The following TEX15 variants were observed in gnomAD, a reference collection of about 807,000 sequenced individuals.
TEX15 encodes the protein testis expressed 15, meiosis and synapsis associated.
Under a neutral mutation model 237.3 loss-of-function variants are expected in TEX15, and 171 were observed. The observed-to-expected ratio is 0.72, with a 90% confidence interval of 0.64 to 0.82. The LOEUF is 0.82. TEX15 is among the 40% of genes least tolerant of loss of function. TEX15 has a pLI of 0.00. For missense variants in TEX15, 3,750 were observed against 3,646.5 expected (o/e 1.03, Z -0.73); for synonymous variants, 1,338 against 1,269.8 (o/e 1.05, Z -1.14).
intron 4 of TEX15, among the ~76,000 whole-genome samples, chr8:30,871,384 A>G (rs1585300289): frequency 6.6e-6 from 1 of 151,948 alleles, no homozygotes; most frequent in South Asian, 2.1e-4. Context: ...CTTTATCTTT[A>G]TCCACATCCA....
In TEX15 at chr8:30,858,735, T is replaced by C. The variant is rs545005815; in HGVS notation, c.783A>G (p.Ser261=). ...TCATAAGGCGTCCATTATCTACTTT[T>C]GAACCAAGAAATTTTACTGTTACTA... The part of the protein sequence containing the change: ...YAVVTVKFLG[S]KVDNGRLMTS... The change falls in exon 7 of 11, where the codon TCA becomes TCG. Residue 261 remains serine, a synonymous_variant. Transcript: ENST00000643185. 1,728 of 1,535,802 alleles carry C rather than the reference T, an allele frequency of 1.1e-3. 1 individual carries two copies. Among genetic ancestry groups the C allele is most frequent in the Non-Finnish European group, 1.4e-3 (1,620 of 1,146,790 alleles).
At chr8:30,868,818 C>G (rs907625834) in intron 4 of TEX15, among the ~76,000 whole-genome samples, 2 of 150,758 alleles carry the variant, frequency 1.3e-5, no homozygotes, top group African/African-American at 4.9e-5. Flanking sequence ...GTAAACCCTA[C>G]AGCAGGGTTT....
intron 2 of TEX15, among the ~76,000 whole-genome samples, chr8:30,893,718 C>T (rs943817153): frequency 1.3e-5 from 2 of 152,172 alleles, no homozygotes; most frequent in African/African-American, 4.8e-5. Flanking sequence ...CATTTATGGG[C>T]AATCTTTTCC....
chr8:30,852,133 G>A lies in TEX15; in HGVS notation c.851-2817C>T, dbSNP rs1381867467. Reference sequence around the variant, plus strand: ...TTTTTTTTTTTTTTTTTTTGAGACAGAGTCTCTGTCGCCCAGGCTGGAGTG... The same window carrying A: ...TTTTTTTTTTTTTTTTTTTGAGACAAAGTCTCTGTCGCCCAGGCTGGAGTG... On this transcript the variant is annotated intron_variant, in intron 7 of 10. Coordinates refer to ENST00000643185, the MANE Select transcript of TEX15 (RefSeq NM_001350162.2). 8.3e-5 allele frequency among the ~76,000 whole-genome samples: 8 copies of A among 96,060 alleles called. 1 individual carries two copies. In the Admixed American group the frequency reaches 1.0e-3, roughly 12 times the overall value. The allele number at this position is 96,060 out of a possible 152,430, so 63.0% of individuals were successfully genotyped here.
In TEX15 at chr8:30,845,222, C is replaced by T. The variant is rs76147771; in HGVS notation, c.4945G>A (p.Val1649Ile). The T allele has an allele frequency of 3.0e-3, 4,774 of 1,613,438 alleles. 4 individuals carry two copies. Among genetic ancestry groups the T allele is most frequent in the Non-Finnish European group, 3.6e-3 (4,211 of 1,179,466 alleles). ...TTTGAATCTAAGACTGATATAAGTACGTCAGTTTTCGCCTTTGTGTGACCT... is the reference window on the plus strand; with the variant it reads ...TTTGAATCTAAGACTGATATAAGTATGTCAGTTTTCGCCTTTGTGTGACCT... ...CIGHTKAKTD[V>I]LISVLDSNVK... Residue 1649 changes from valine to isoleucine, a missense_variant, in exon 8 of 11, where the codon GTA becomes ATA. By Grantham distance (29) the Val-to-Ile change is conservative. Coordinates refer to ENST00000643185, the MANE Select transcript of TEX15 (RefSeq NM_001350162.2).
At chr8:30,906,220 T>C (rs902029643) in intron 1 of TEX15, among the ~76,000 whole-genome samples, 1 of 152,228 alleles carries the variant, frequency 6.6e-6, no homozygotes, top group Non-Finnish European at 1.5e-5. Flanking sequence ...TCATCTAACA[T>C]TCCTCCATTC....
rs201320532 is a variant in TEX15 at position 30,866,343 on chromosome 8, GGAAAGGA to G, written c.540+915_540+921del. Among the ~76,000 whole-genome samples, 918 of 150,188 alleles carry G rather than the reference GGAAAGGA, an allele frequency of 6.1e-3. 4 individuals carry two copies. The highest frequency in any genetic ancestry group is 0.021 in the Middle Eastern group (6 of 290). ...GACAAAAAGGGAGAAAGGGGAAAGGGGAAAGGAGAAAGGAGAAAGGGGAAGAGGAAGG... is the reference window on the plus strand; with the variant it reads ...GACAAAAAGGGAGAAAGGGGAAAGGGGAAAGGAGAAAGGGGAAGAGGAAGG... On this transcript the variant is annotated intron_variant, in intron 5 of 10. Coordinates refer to ENST00000643185, the MANE Select transcript of TEX15 (RefSeq NM_001350162.2).
At chr8:30,868,075 A>T (rs1447045640) in intron 4 of TEX15, among the ~76,000 whole-genome samples, 1 of 152,076 alleles carries the variant, frequency 6.6e-6, no homozygotes, top group Non-Finnish European at 1.5e-5. Flanking sequence ...ACACACATGC[A>T]CAAATATATC....
chr8:30,898,445 C>A (rs1808948075), intron 2 of TEX15, among the ~76,000 whole-genome samples: 1 of 152,182 alleles, frequency 6.6e-6, no homozygotes, highest in Non-Finnish European at 1.5e-5. Context: ...AATCTGCCAG[C>A]ACCTTGATCT....
In TEX15 at chr8:30,845,430, T is replaced by C. The variant is rs146910992; in HGVS notation, c.4737A>G (p.Leu1579=). ...EKENQIDTAF[L]SSTSKYEKLE... ...GCTTTTCATATTTACTAGTGCTAGA[T>C]AAAAATGCTGTATCAATTTGATTTT... Residue 1579 remains leucine, a synonymous_variant, in exon 8 of 11, where the codon TTA becomes TTG. Coordinates refer to ENST00000643185, the MANE Select transcript of TEX15 (RefSeq NM_001350162.2). 3.0e-5 allele frequency: 49 copies of C among 1,612,608 alleles called. 1 individual carries two copies. The Middle Eastern group carries it at 9.9e-4, about 33-fold the overall frequency.
In TEX15 at chr8:30,844,408, T is replaced by C. The variant is rs1355045995; in HGVS notation, c.5759A>G (p.Asn1920Ser). ...PLKNTVSNPL[N>S]KREKKGEIKV... ...AATTTCCCCCTTCTTCTCTCTTTTG[T>C]TAAGCGGATTAGAAACTGTGTTCTT... The change falls in exon 8 of 11, where the codon AAC becomes AGC. Residue 1920 changes from asparagine to serine, a missense_variant. Coordinates refer to ENST00000643185, the MANE Select transcript of TEX15 (RefSeq NM_001350162.2). The C allele has an allele frequency of 1.3e-5, 21 of 1,611,036 alleles. No individual in the cohort carries two copies. The highest frequency in any genetic ancestry group is 1.6e-5 in the Non-Finnish European group (19 of 1,178,920).
chr8:30,836,515 C>T (rs1729686980), intron 10 of TEX15, among the ~76,000 whole-genome samples: 1 of 152,066 alleles, frequency 6.6e-6, no homozygotes. Context: ...CCCAGCCCCA[C>T]TGTATCGATT....
chr8:30,835,098 C>A (rs2551744), intron 10 of TEX15, among the ~76,000 whole-genome samples: 148,794 of 152,102 alleles, frequency 0.98, 72,858 homozygotes, highest in East Asian at 1. Flanking sequence ...GTAAGACCTC[C>A]TCTCTACTAA....
intron 2 of TEX15, among the ~76,000 whole-genome samples, chr8:30,891,883 T>C (rs1193365722): frequency 6.6e-6 from 1 of 152,262 alleles, no homozygotes; most frequent in East Asian, 1.9e-4. Flanking sequence ...TTATTCTATG[T>C]ATTTGCAAGA....
chr8:30,868,965 C>A (rs867856544), intron 4 of TEX15, among the ~76,000 whole-genome samples: 3 of 150,200 alleles, frequency 2.0e-5, no homozygotes, highest in African/African-American at 7.4e-5. Flanking sequence ...AAATCTAATC[C>A]GGGGCTCAAA....
At chr8:30,885,872 TTTTTA>T (rs1410903402) in intron 3 of TEX15, among the ~76,000 whole-genome samples, 1 of 152,186 alleles carries the variant, frequency 6.6e-6, no homozygotes, top group African/African-American at 2.4e-5. Flanking sequence ...TTTGCCTGAG[TTTTTA>T]TTTTAATTAA....
At position 30,860,650 on chromosome 8, in the gene TEX15, C is replaced by T. The variant is rs552759790; in HGVS notation, c.541-593G>A. 1.8e-3 allele frequency among the ~76,000 whole-genome samples: 268 copies of T among 150,736 alleles called. 1 individual carries two copies. Among genetic ancestry groups the T allele is most frequent in the Admixed American group, 3.3e-3 (50 of 15,152 alleles). ...TGTGATCTTGGTTCACTGCAGCCTC[C>T]GCCTCTTGGGCTCCACGATTCTCCT... On this transcript the variant is annotated intron_variant, in intron 5 of 10. Coordinates refer to ENST00000643185, the MANE Select transcript of TEX15 (RefSeq NM_001350162.2).
At chr8:30,897,130 G>A (rs1808921325) in intron 2 of TEX15, among the ~76,000 whole-genome samples, 1 of 152,178 alleles carries the variant, frequency 6.6e-6, no homozygotes, top group African/African-American at 2.4e-5. Flanking sequence ...AAAATATTCT[G>A]AACAAGAAGT....
chr8:30,837,675 G>T lies in TEX15; in HGVS notation c.8609C>A (p.Pro2870His). 1 of 1,613,872 alleles carries T rather than the reference G, an allele frequency of 6.2e-7. No individual in the cohort carries two copies. Among genetic ancestry groups the T allele is most frequent in the Non-Finnish European group, 8.5e-7 (1 of 1,179,934 alleles). The change falls in exon 10 of 11, where the codon CCC (proline) becomes CAC (histidine). Residue 2870 changes from proline (P) to histidine (H), a missense_variant. Coordinates refer to ENST00000643185, the MANE Select transcript of TEX15 (RefSeq NM_001350162.2). ...ATCAGAAAGGCAGGATTTTTGGGTG[G>T]GATCTGGGGAATTTTTAAGAAATTT... ...LQKFLKNSPDPTQKSCLSDIN... is the reference protein window; with the variant it reads ...LQKFLKNSPDHTQKSCLSDIN...
Sources: gnomAD v4.1 joint callset for allele counts (sites outside exome capture counted in the v4.1 genomes callset) on GRCh38, gnomAD v4.1.1 for gene constraint, MANE v1.5 for transcripts, NCBI Gene and HGNC (gene_info 2026-07-23, HGNC 2026-07-21) for gene names.